GPR176: variants seen among roughly 807,000 people sequenced by gnomAD.
GPR176 encodes the protein G-protein coupled receptor 176.
In GPR176, 26 loss-of-function variants were observed where a neutral mutation model predicts 35.4. The ratio of observed to expected loss-of-function variants is 0.74; its 90% CI spans 0.54 to 1.02. The LOEUF (loss-of-function observed/expected upper bound fraction) is 1.02, where lower values mean the gene tolerates loss of function less well. Among genes scored for constraint, GPR176 ranks in the 50% least tolerant of loss-of-function variants. The pLI is 0.00. For synonymous variants in GPR176, 278 were observed against 271.3 expected (o/e 1.02, Z -0.24); for missense variants, 597 against 665.3 (o/e 0.90, Z 1.13).
At chr15:39,857,049 T>C (rs1264861928) in intron 1 of GPR176, among the ~76,000 whole-genome samples, 3 of 152,144 alleles carry the variant, frequency 2.0e-5, no homozygotes, top group Non-Finnish European at 2.9e-5. Flanking sequence ...TATATATTTA[T>C]TGGTTGAGTT....
intron 1 of GPR176, among the ~76,000 whole-genome samples, chr15:39,906,860 T>C (rs1305387399): frequency 6.6e-6 from 1 of 152,248 alleles, no homozygotes; most frequent in African/African-American, 2.4e-5. Context: ...TTAATCACTA[T>C]GTATTGAGCA....
intron 1 of GPR176, among the ~76,000 whole-genome samples, chr15:39,917,097 C>G (rs1205587617): frequency 1.3e-5 from 2 of 152,038 alleles, no homozygotes; most frequent in Non-Finnish European, 2.9e-5. Context: ...GCCTGACCAA[C>G]ATGGTGAAAC....
At chr15:39,910,488 G>A (rs146762295) in intron 1 of GPR176, among the ~76,000 whole-genome samples, 1 of 151,930 alleles carries the variant, frequency 6.6e-6, no homozygotes, top group African/African-American at 2.4e-5. Context: ...AACCTTGGAG[G>A]GGGAGGTTGC....
chr15:39,847,822 G>T (rs1267330393), intron 1 of GPR176, among the ~76,000 whole-genome samples: 1 of 150,958 alleles, frequency 6.6e-6, no homozygotes, highest in African/African-American at 2.4e-5. Flanking sequence ...TTCTCACACT[G>T]CTATAAAGAA....
intron 1 of GPR176, among the ~76,000 whole-genome samples, chr15:39,894,999 C>T (rs2033056859): frequency 6.6e-6 from 1 of 152,226 alleles, no homozygotes; most frequent in South Asian, 2.1e-4. Context: ...GAGGCCGAGG[C>T]TGGCGGATCA....
intron 1 of GPR176, among the ~76,000 whole-genome samples, chr15:39,866,457 A>G (rs777996552): frequency 2.3e-4 from 35 of 152,222 alleles, no homozygotes; most frequent in Non-Finnish European, 5.0e-4. Context: ...TAATTTCAAG[A>G]AACTTTTGAA....
intron 1 of GPR176, among the ~76,000 whole-genome samples, chr15:39,844,656 C>G (rs1214996167): frequency 1.3e-5 from 2 of 152,026 alleles, no homozygotes; most frequent in Non-Finnish European, 2.9e-5. Flanking sequence ...GATCCAGGCC[C>G]TATAAGTGCC....
At chr15:39,901,581 CA>C (rs1282218038) in intron 1 of GPR176, among the ~76,000 whole-genome samples, 1 of 152,106 alleles carries the variant, frequency 6.6e-6, no homozygotes, top group Non-Finnish European at 1.5e-5. Flanking sequence ...GGAACAACAA[CA>C]AAAAAGTCTT....
chr15:39,872,778 C>G (rs537352957), intron 1 of GPR176, among the ~76,000 whole-genome samples: 2 of 152,242 alleles, frequency 1.3e-5, no homozygotes, highest in South Asian at 4.2e-4. Flanking sequence ...AACTCACTCA[C>G]TTTTCGCAAA....
At chr15:39,858,747 T>C (rs974504096) in intron 1 of GPR176, among the ~76,000 whole-genome samples, 9 of 151,328 alleles carry the variant, frequency 5.9e-5, no homozygotes, top group Non-Finnish European at 1.2e-4. Context: ...ATACAAATTC[T>C]TTTTTTTTCT....
At chr15:39,838,509 T>C (rs1459509278) in intron 1 of GPR176, among the ~76,000 whole-genome samples, 1 of 152,152 alleles carries the variant, frequency 6.6e-6, no homozygotes, top group Non-Finnish European at 1.5e-5. Flanking sequence ...TTTACATTAA[T>C]AGCCCATAAG....
In GPR176 at chr15:39,912,267, C is replaced by T. The variant is rs188956136; in HGVS notation, c.172+7588G>A. On this transcript the variant is annotated intron_variant, in intron 1 of 2. Coordinates refer to ENST00000561100, the MANE Select transcript of GPR176 (RefSeq NM_007223.3). Reference sequence around the variant, plus strand: ...CTAGGCAAAAATGCCTCTGTTTTTGCGCTATATGACTAACAACAATCTTCC... The same window carrying T: ...CTAGGCAAAAATGCCTCTGTTTTTGTGCTATATGACTAACAACAATCTTCC... Among the ~76,000 whole-genome samples, 68 of 152,164 alleles carry T rather than the reference C, an allele frequency of 4.5e-4. 3 individuals carry two copies. Among genetic ancestry groups the T allele is most frequent in the East Asian group, 1.9e-4 (1 of 5,174 alleles).
chr15:39,827,382 T>C (rs1412461561), intron 1 of GPR176, among the ~76,000 whole-genome samples: 2 of 152,132 alleles, frequency 1.3e-5, no homozygotes, highest in Non-Finnish European at 2.9e-5. Flanking sequence ...TGGTCTCTTA[T>C]CAGGCAAAAA....
intron 1 of GPR176, among the ~76,000 whole-genome samples, chr15:39,874,231 A>T (rs1028880018): frequency 1.3e-5 from 2 of 152,152 alleles, no homozygotes; most frequent in African/African-American, 4.8e-5. Flanking sequence ...TAGTGTGGTA[A>T]GTAACTCCCC....
chr15:39,905,189 T>C (rs1172177178), intron 1 of GPR176, among the ~76,000 whole-genome samples: 2 of 152,218 alleles, frequency 1.3e-5, no homozygotes, highest in African/African-American at 2.4e-5. Flanking sequence ...GAGAATTCTT[T>C]ATTTTAAATC....
chr15:39,883,249 A>G (rs1272186358), intron 1 of GPR176, among the ~76,000 whole-genome samples: 1 of 152,218 alleles, frequency 6.6e-6, no homozygotes, highest in Non-Finnish European at 1.5e-5. Flanking sequence ...ATTTTGGTAA[A>G]ATAATGAAGA....
rs188231015 is a variant in GPR176 at position 39,861,351 on chromosome 15, A to G, written c.173-54093T>C. ...CAGATCACAAAGTCAAGAGATCGAGACCACCCTGATCAACATGGTGAAACC... is the reference window on the plus strand; with the variant it reads ...CAGATCACAAAGTCAAGAGATCGAGGCCACCCTGATCAACATGGTGAAACC... On this transcript the variant is annotated intron_variant, in intron 1 of 2. Coordinates refer to ENST00000561100, the MANE Select transcript of GPR176 (RefSeq NM_007223.3). Among the ~76,000 whole-genome samples, 29 of 152,252 alleles carry G rather than the reference A, an allele frequency of 1.9e-4. 1 individual carries two copies. In the East Asian group the frequency reaches 5.2e-3, roughly 27 times the overall value.
chr15:39,864,880 C>A, intron 1 of GPR176, among the ~76,000 whole-genome samples: 1 of 148,386 alleles, frequency 6.7e-6, no homozygotes, highest in African/African-American at 2.5e-5. Context: ...GACCAAAAAG[C>A]ATGAATAGAC....
intron 1 of GPR176, among the ~76,000 whole-genome samples, chr15:39,887,292 C>G (rs2032706885): frequency 6.6e-6 from 1 of 152,152 alleles, no homozygotes. Flanking sequence ...ACAGCACAGT[C>G]AAGAATTAAA....
Sources: gnomAD v4.1 joint callset for allele counts (sites outside exome capture counted in the v4.1 genomes callset) on GRCh38, gnomAD v4.1.1 for gene constraint, MANE v1.5 for transcripts, NCBI Gene and HGNC (gene_info 2026-07-23, HGNC 2026-07-21) for gene names.